GCNT1: variants seen among roughly 807,000 people sequenced by gnomAD.
The protein encoded by GCNT1 is beta-1,3-galactosyl-O-glycosyl-glycoprotein beta-1,6-N-acetylglucosaminyltransferase.
In GCNT1, 16 loss-of-function variants were observed where a neutral mutation model predicts 26.2. The ratio of observed to expected loss-of-function variants is 0.61; its 90% CI spans 0.41 to 0.93. GCNT1 has a LOEUF of 0.93. Ranked by LOEUF, GCNT1 falls within the 40% of genes least tolerant of loss-of-function variation. The probability of loss-of-function intolerance (pLI) is 0.00; values close to 1 mark genes in which losing one functional copy is unlikely to be tolerated. For missense variants in GCNT1, 477 were observed against 526.7 expected (o/e 0.91, Z 0.92); for synonymous variants, 183 against 190.8 (o/e 0.96, Z 0.34).
At chr9:76,412,710 T>C in the GCNT1 span, among the ~76,000 whole-genome samples, 1 of 152,230 alleles carries the variant, frequency 6.6e-6, no homozygotes, top group Non-Finnish European at 1.5e-5. Flanking sequence ...GGTTCTCTAC[T>C]TCATCCCAGT....
At chr9:76,405,119 C>T in the GCNT1 span, among the ~76,000 whole-genome samples, 1 of 152,188 alleles carries the variant, frequency 6.6e-6, no homozygotes, top group African/African-American at 2.4e-5. Flanking sequence ...AGACCCAACC[C>T]AAGTCATCAA....
At position 76,461,592 on chromosome 9, in the gene GCNT1, A is replaced by C. The variant is rs115677184; in HGVS notation, c.-290+1415A>C. 2.7e-3 allele frequency among the ~76,000 whole-genome samples: 409 copies of C among 149,192 alleles called. 1 individual carries two copies. The highest frequency in any genetic ancestry group is 9.5e-3 in the African/African-American group (382 of 40,176). The stretch of plus-strand genomic sequence containing the variant: ...AGCGAGAGTCTGTCTCAAAAAAAAA[A>C]ACACACACAAAGAGCCTGGGCATGG... On this transcript the variant is annotated intron_variant, in intron 2 of 3. Transcript: ENST00000376730.
intron 1 of GCNT1, among the ~76,000 whole-genome samples, chr9:76,445,312 C>G (rs1310338232): frequency 6.6e-6 from 1 of 152,068 alleles, no homozygotes; most frequent in Non-Finnish European, 1.5e-5. Context: ...CTCATTATCA[C>G]TGTATGAAAA....
At chr9:76,413,668 G>GTTTTTTTTTTTTTTTTTTTTT in the GCNT1 span, among the ~76,000 whole-genome samples, 8 of 84,212 alleles carry the variant, frequency 9.5e-5, no homozygotes, top group South Asian at 4.0e-4. Context: ...TTTTTTTTTT[G>GTTTTTTTTTTTTTTTTTTTTT]TTTTTTTTTT....
rs1008888399 is a variant in GCNT1, at chr9:76,504,736, A to T, written c.*1068A>T. 8.2e-5 allele frequency: 34 copies of T among 413,354 alleles called. No homozygotes were observed. Among genetic ancestry groups the T allele is most frequent in the African/African-American group, 6.4e-4 (31 of 48,630 alleles). The allele number at this position is 413,354 out of a possible 1,614,324, so 25.6% of individuals were successfully genotyped here. Reference sequence around the variant, plus strand: ...AACCTCCCAGGATTGTTTTATCCTAATGTCACCTGTATATTCATTTGAAAG... The same window carrying T: ...AACCTCCCAGGATTGTTTTATCCTATTGTCACCTGTATATTCATTTGAAAG... On this transcript the variant is annotated 3_prime_UTR_variant, in exon 4 of 4. Coordinates refer to ENST00000376730, the MANE Select transcript of GCNT1 (RefSeq NM_001490.5).
chr9:76,421,616 A>G (rs1301593454), intron 1 of GCNT1, among the ~76,000 whole-genome samples: 2 of 149,026 alleles, frequency 1.3e-5, no homozygotes, highest in African/African-American at 4.9e-5. Flanking sequence ...AAAAAAAAAA[A>G]AAAAAACCAC....
chr9:76,450,104 CT>C (rs1283408219), intron 1 of GCNT1, among the ~76,000 whole-genome samples: 1 of 152,128 alleles, frequency 6.6e-6, no homozygotes, highest in Non-Finnish European at 1.5e-5. Context: ...TTATATGTAA[CT>C]GATGGTGTGT....
At chr9:76,399,503 G>A in the GCNT1 span, 21 of 1,590,932 alleles carry the variant, frequency 1.3e-5, no homozygotes, top group Middle Eastern at 1.9e-4. Flanking sequence ...AGACTGGAGC[G>A]CTCAGCCTGC....
At chr9:76,445,532 C>T (rs901596952) in intron 1 of GCNT1, among the ~76,000 whole-genome samples, 1 of 151,984 alleles carries the variant, frequency 6.6e-6, no homozygotes, top group Non-Finnish European at 1.5e-5. Context: ...GGATTACAGT[C>T]ATGTACCACC....
intron 2 of GCNT1, among the ~76,000 whole-genome samples, chr9:76,482,133 AAGAC>A (rs533710677): frequency 9.6e-4 from 146 of 152,256 alleles, no homozygotes; most frequent in African/African-American, 3.4e-3. Flanking sequence ...CTGGAACAAA[AAGAC>A]AGTGCCTCAC....
rs1337689416 is a variant in GCNT1 at position 76,503,882 on chromosome 9, G to A, written c.*214G>A. 9 of 568,416 alleles carry A rather than the reference G, an allele frequency of 1.6e-5. No homozygotes were observed. Among genetic ancestry groups the A allele is most frequent in the South Asian group, 4.2e-5 (2 of 48,136 alleles). The allele number at this position is 568,416 out of a possible 1,614,324, so 35.2% of individuals were successfully genotyped here. On this transcript the variant is annotated 3_prime_UTR_variant, in exon 4 of 4. Coordinates refer to ENST00000376730, the MANE Select transcript of GCNT1 (RefSeq NM_001490.5). ...AAATGTTCATCTAGAGTTAATAGTG[G>A]GAGGAGTAAAGGTAGCCTTGAGGCC... is the stretch of plus-strand genomic sequence containing the variant.
chr9:76,398,999 G>T, the GCNT1 span: 1 of 1,557,306 alleles, frequency 6.4e-7, no homozygotes, highest in Non-Finnish European at 8.7e-7. Context: ...TCCAATTGCT[G>T]GCCACTTCAC....
Position 76,446,938 on chromosome 9 carries a change from C to T in GCNT1, c.-290+4623C>T, listed in dbSNP as rs10119095. Among the ~76,000 whole-genome samples, 1,304 of 151,904 alleles carry T rather than the reference C, an allele frequency of 8.6e-3. 15 individuals are homozygous for T. The highest frequency in any genetic ancestry group is 0.029 in the African/African-American group (1,222 of 41,438). On this transcript the variant is annotated intron_variant, in intron 1 of 2. Transcript: ENST00000442371. The stretch of plus-strand genomic sequence containing the variant: ...GGGAGGCTGAGACGGGCAGATCACT[C>T]GAGTCCAGGAGTTTGAGGCCAACGT...
rs1825205860 is a variant in GCNT1 at position 76,505,183 on chromosome 9, G to A, written c.*1515G>A. On this transcript the variant is annotated 3_prime_UTR_variant, in exon 4 of 4. Transcript: ENST00000376730. ...TTTTAAAATCTAGCCAAATTAAATAGTACATGAGAAATTCAGAGTATTAGA... is the reference window on the plus strand; with the variant it reads ...TTTTAAAATCTAGCCAAATTAAATAATACATGAGAAATTCAGAGTATTAGA... 1 of 385,178 alleles carries A rather than the reference G, an allele frequency of 2.6e-6. No individual in the cohort carries two copies. Among genetic ancestry groups the A allele is most frequent in the Non-Finnish European group, 4.8e-6 (1 of 208,912 alleles). 23.9% of individuals were successfully genotyped at this position (385,178 alleles called of 1,614,324 possible). A position where few individuals can be genotyped will look rare whatever the true frequency, so the allele number is the denominator to read the frequency against.
chr9:76,394,085 C>G, the GCNT1 span: 1 of 1,600,304 alleles, frequency 6.2e-7, no homozygotes, highest in Non-Finnish European at 8.5e-7. Context: ...CCGCCCTGCT[C>G]TCACCTGTGG....
At chr9:76,394,298 G>C in the GCNT1 span, 1 of 865,294 alleles carries the variant, frequency 1.2e-6, no homozygotes, top group Non-Finnish European at 1.7e-6. Context: ...CCGCGGGGGC[G>C]CACCAGTGGC....
chr9:76,466,288 C>G (rs115423411), intron 2 of GCNT1, among the ~76,000 whole-genome samples: 38 of 152,124 alleles, frequency 2.5e-4, no homozygotes, highest in African/African-American at 8.2e-4. Flanking sequence ...TAAACATGCT[C>G]TAATGCTACT....
intron 1 of GCNT1, among the ~76,000 whole-genome samples, chr9:76,451,742 T>G (rs573018968): frequency 2.0e-5 from 3 of 152,214 alleles, no homozygotes; most frequent in Admixed American, 2.0e-4. Flanking sequence ...AAAATTCTGT[T>G]GTTTAAAGTA....
chr9:76,461,901 C>T (rs1823879083), intron 2 of GCNT1, among the ~76,000 whole-genome samples: 2 of 152,110 alleles, frequency 1.3e-5, no homozygotes, highest in Admixed American at 1.3e-4. Context: ...AACAAAAATC[C>T]CACAAAGAAT....
Sources: gnomAD v4.1 joint callset for allele counts (sites outside exome capture counted in the v4.1 genomes callset) on GRCh38, gnomAD v4.1.1 for gene constraint, MANE v1.5 for transcripts, NCBI Gene and HGNC (gene_info 2026-07-23, HGNC 2026-07-21) for gene names.